TMEM117: variants seen among roughly 807,000 people sequenced by gnomAD.
TMEM117 encodes transmembrane protein 117.
Under a neutral mutation model 52.4 loss-of-function variants are expected in TMEM117, and 27 were observed. The ratio of observed to expected loss-of-function variants is 0.51; its 90% confidence interval spans 0.38 to 0.71. TMEM117 has a LOEUF of 0.71. TMEM117 is among the 30% of genes least tolerant of loss of function. The pLI is 0.00. For synonymous variants in TMEM117, 215 were observed against 206.3 expected, an observed-to-expected ratio of 1.04 and a Z score of -0.36; for missense variants, 556 against 630.5, an observed-to-expected ratio of 0.88 and a Z score of 1.26.
chr12:44,084,762 A>G (rs1448524932), intron 3 of TMEM117, among the ~76,000 whole-genome samples: 1 of 152,170 alleles, frequency 6.6e-6, no homozygotes, highest in Non-Finnish European at 1.5e-5. Flanking sequence ...CAATGACCAT[A>G]TGGATTCTCT....
chr12:43,809,316 C>T, the TMEM117 span, among the ~76,000 whole-genome samples: 1 of 152,260 alleles, frequency 6.6e-6, no homozygotes, highest in Non-Finnish European at 1.5e-5. Context: ...GTTAGATTTT[C>T]CTAGAGAAGA....
intron 5 of TMEM117, among the ~76,000 whole-genome samples, chr12:44,268,015 C>T (rs1477358653): frequency 6.6e-6 from 1 of 152,118 alleles, no homozygotes; most frequent in Non-Finnish European, 1.5e-5. Flanking sequence ...GATATGTACC[C>T]AGTAGTGGGA....
chr12:44,097,111 A>G (rs1159535185), intron 3 of TMEM117, among the ~76,000 whole-genome samples: 9 of 152,222 alleles, frequency 5.9e-5, no homozygotes, highest in African/African-American at 1.9e-4. Context: ...AACACATGAA[A>G]AAATGCTCAT....
At chr12:44,043,816 A>G (rs1203505720) in intron 3 of TMEM117, among the ~76,000 whole-genome samples, 2 of 152,226 alleles carry the variant, frequency 1.3e-5, no homozygotes, top group Non-Finnish European at 2.9e-5. Flanking sequence ...AAATCTGGAG[A>G]ACAGGCATGG....
chr12:44,152,495 A>C (rs1406983837), intron 4 of TMEM117, among the ~76,000 whole-genome samples: 7 of 116,864 alleles, frequency 6.0e-5, no homozygotes, highest in Admixed American at 1.0e-4. Flanking sequence ...ATTTTTATAT[A>C]TATAATTATA....
intron 3 of TMEM117, among the ~76,000 whole-genome samples, chr12:44,073,985 A>G (rs1947342781): frequency 6.6e-6 from 1 of 152,238 alleles, no homozygotes. Flanking sequence ...CAACAAAACT[A>G]GTGATAGTGA....
At chr12:44,171,912 G>A (rs1949051913) in intron 4 of TMEM117, among the ~76,000 whole-genome samples, 1 of 152,064 alleles carries the variant, frequency 6.6e-6, no homozygotes, top group Non-Finnish European at 1.5e-5. Context: ...CAGGCATAGG[G>A]AACAGCATGT....
chr12:44,061,948 G>A (rs1438342155), intron 3 of TMEM117, among the ~76,000 whole-genome samples: 1 of 152,062 alleles, frequency 6.6e-6, no homozygotes, highest in African/African-American at 2.4e-5. Context: ...AGAAGGTTGG[G>A]GAAAATGGAA....
intron 6 of TMEM117, among the ~76,000 whole-genome samples, chr12:44,318,930 T>C (rs989680814): frequency 7.2e-5 from 11 of 152,126 alleles, no homozygotes; most frequent in Non-Finnish European, 1.5e-4. Context: ...AGGATGGAGC[T>C]CCCAGCAAGG....
intron 2 of TMEM117, among the ~76,000 whole-genome samples, chr12:43,874,476 A>G (rs189169287): frequency 1.1e-3 from 165 of 151,912 alleles, no homozygotes; most frequent in African/African-American, 3.7e-3. Flanking sequence ...CTGTAATCCC[A>G]GTTACTCAGG....
chr12:44,090,900 G>A (rs746396408), intron 3 of TMEM117, among the ~76,000 whole-genome samples: 9 of 139,604 alleles, frequency 6.4e-5, no homozygotes, highest in East Asian at 4.1e-4. Context: ...CTGATAGAGC[G>A]TATTACCTCT....
intron 4 of TMEM117, among the ~76,000 whole-genome samples, chr12:44,173,241 AAT>A (rs1037842224): frequency 2.0e-5 from 3 of 151,984 alleles, no homozygotes; most frequent in Non-Finnish European, 4.4e-5. Context: ...ATGCCTGGCT[AAT>A]TTTTTGTATT....
chr12:44,000,544 G>C (rs1946099943), intron 3 of TMEM117, among the ~76,000 whole-genome samples: 1 of 152,120 alleles, frequency 6.6e-6, no homozygotes, highest in Non-Finnish European at 1.5e-5. Context: ...GAAACCACTA[G>C]AGGGAGCCCC....
chr12:43,840,339 TA>T (rs1943098044), intron 1 of TMEM117, among the ~76,000 whole-genome samples: 3 of 152,258 alleles, frequency 2.0e-5, no homozygotes, highest in Non-Finnish European at 4.4e-5. Context: ...GAGATGCTTG[TA>T]AAGCTCATCA....
At chr12:44,024,859 T>C (rs1946508442) in intron 3 of TMEM117, among the ~76,000 whole-genome samples, 1 of 152,178 alleles carries the variant, frequency 6.6e-6, no homozygotes, top group East Asian at 1.9e-4. Flanking sequence ...TTTGTGTTTG[T>C]ATATATGTGT....
intron 6 of TMEM117, among the ~76,000 whole-genome samples, chr12:44,337,013 C>T (rs577684247): frequency 5.7e-4 from 87 of 152,142 alleles, no homozygotes; most frequent in Admixed American, 1.3e-3. Context: ...TCAGTGTCTT[C>T]GGTATCTTTT....
chr12:44,314,612 G>T (rs1951032047), intron 6 of TMEM117, among the ~76,000 whole-genome samples: 1 of 148,530 alleles, frequency 6.7e-6, no homozygotes, highest in Admixed American at 6.7e-5. Flanking sequence ...TGTCGCCAAG[G>T]TTGGAGTGCA....
intron 4 of TMEM117, among the ~76,000 whole-genome samples, chr12:44,180,744 G>A (rs572268121): frequency 6.6e-6 from 1 of 152,082 alleles, no homozygotes; most frequent in South Asian, 2.1e-4. Context: ...TCTTAATCCA[G>A]TCTATCATTG....
At chr12:44,179,851 A>G (rs1435975539) in intron 4 of TMEM117, among the ~76,000 whole-genome samples, 5 of 152,206 alleles carry the variant, frequency 3.3e-5, no homozygotes, top group Admixed American at 6.5e-5. Flanking sequence ...CAAATAACCC[A>G]AATATTTCAG....
Sources: gnomAD v4.1 joint callset for allele counts (sites outside exome capture counted in the v4.1 genomes callset) on GRCh38, gnomAD v4.1.1 for gene constraint, MANE v1.5 for transcripts, NCBI Gene and HGNC (gene_info 2026-07-23, HGNC 2026-07-21) for gene names.